Variants in PRKCB observed in about 807,000 individuals in gnomAD.
PRKCB encodes the protein protein kinase C beta type.
In PRKCB, 13 loss-of-function variants were observed where a neutral mutation model predicts 81.5. That is an observed-to-expected ratio of 0.16 (90% CI 0.10 to 0.25). The LOEUF (loss-of-function observed/expected upper bound fraction) is 0.25. PRKCB is among the 10% of genes least tolerant of loss of function. The pLI is 1.00. For synonymous variants in PRKCB, 335 were observed against 321.4 expected (o/e 1.04, Z -0.45); for missense variants, 509 against 875.7 (o/e 0.58, Z 5.29).
chr16:24,059,740 T>C (rs1298151626), intron 5 of PRKCB, among the ~76,000 whole-genome samples: 5 of 152,128 alleles, frequency 3.3e-5, no homozygotes, highest in Non-Finnish European at 7.4e-5. Flanking sequence ...GAGTAAATGG[T>C]CATAGAAGCC....
chr16:24,162,186 G>A (rs1034974783), intron 10 of PRKCB, among the ~76,000 whole-genome samples: 5 of 152,152 alleles, frequency 3.3e-5, no homozygotes, highest in African/African-American at 4.8e-5. Context: ...GGGATGGGGT[G>A]AGGATGATTC....
At chr16:23,985,780 T>G (rs1401919532) in intron 2 of PRKCB, among the ~76,000 whole-genome samples, 2 of 151,998 alleles carry the variant, frequency 1.3e-5, no homozygotes, top group African/African-American at 4.8e-5. Flanking sequence ...ATGTTGAAAA[T>G]AAGGATAATG....
At chr16:23,982,222 GCCTTCCCTTCC>G (rs1231721734) in intron 2 of PRKCB, among the ~76,000 whole-genome samples, 31 of 1,760 alleles carry the variant, frequency 0.018, no homozygotes, top group African/African-American at 0.066. Flanking sequence ...CCTTCCCTTC[GCCTTCCCTTCC>G]CCTTCCCTTC....
rs771388864 is a variant in PRKCB at position 23,836,215 on chromosome 16, G to A, written c.40G>A (p.Glu14Lys). ...TGCGGGGCCGCCGCCGAGCGAGGGC[G>A]AGGAGAGCACCGTGCGCTTCGCCCG... ...PAAGPPPSEG[E>K]ESTVRFARKG... is the part of the protein sequence containing the mutation. Residue 14 changes from glutamate (E) to lysine (K), a missense_variant, in exon 1 of 17, where the codon GAG (glutamate) becomes AAG (lysine). By Grantham distance (56) the Glu-to-Lys change is moderately conservative (BLOSUM62 1). This residue lies in a region of PRKCB where 33 missense variants were observed against 21.9 expected (regional missense o/e 1.50). Coordinates refer to ENST00000643927, the MANE Select transcript of PRKCB (RefSeq NM_002738.7). 1.9e-6 allele frequency: 3 copies of A among 1,581,592 alleles called. No individual in the cohort carries two copies. The highest frequency in any genetic ancestry group is 2.2e-5 in the South Asian group (2 of 88,928).
Position 23,948,534 on chromosome 16 carries a change from G to T in PRKCB, c.206-39974G>T, listed in dbSNP as rs537338712. 2.0e-5 allele frequency among the ~76,000 whole-genome samples: 3 copies of T among 152,188 alleles called. No individual in the cohort carries two copies. In the South Asian group the frequency reaches 6.2e-4, roughly 32 times the overall value. On this transcript the variant is annotated intron_variant, in intron 2 of 16. Transcript: ENST00000643927. ...GTCTCATGCCGCAGCCTCCCAGGTA[G>T]CTGGGATTACAGGCACACAGCACCA... is the stretch of plus-strand genomic sequence containing the variant.
At position 24,217,008 on chromosome 16, in the gene PRKCB, T is replaced by C; in HGVS notation, c.*2192T>C. On this transcript the variant is annotated 3_prime_UTR_variant, in exon 17 of 17. Coordinates refer to ENST00000643927, the MANE Select transcript of PRKCB (RefSeq NM_002738.7). The stretch of plus-strand genomic sequence containing the variant: ...TTGCTTGGACATGCTCTCAGGAAGA[T>C]AAAAACCATGGAGAAACACTAGGCC... The C allele has an allele frequency of 4.1e-6, 4 of 984,098 alleles. No homozygotes were observed. Among genetic ancestry groups the C allele is most frequent in the Non-Finnish European group, 4.8e-6 (4 of 829,708 alleles). The allele number at this position is 984,098 out of a possible 1,614,324, so 61.0% of individuals were successfully genotyped here. A position where few individuals can be genotyped will look rare whatever the true frequency, so the allele number is the denominator to read the frequency against.
At chr16:23,916,037 A>C (rs780107694) in intron 2 of PRKCB, among the ~76,000 whole-genome samples, 2 of 151,964 alleles carry the variant, frequency 1.3e-5, no homozygotes, top group Non-Finnish European at 2.9e-5. Context: ...ATAGATCTGC[A>C]GTATCTTTTC....
chr16:24,020,513 A>G (rs1965344002), intron 3 of PRKCB, among the ~76,000 whole-genome samples: 2 of 152,294 alleles, frequency 1.3e-5, no homozygotes, highest in South Asian at 4.1e-4. Context: ...TCTTGGGAAT[A>G]ATAAAATCAA....
At chr16:24,158,885 T>A (rs775746243) in intron 10 of PRKCB, among the ~76,000 whole-genome samples, 2 of 152,156 alleles carry the variant, frequency 1.3e-5, no homozygotes, top group Admixed American at 6.5e-5. Flanking sequence ...GGTCTCAATC[T>A]TCTAGGCTCA....
chr16:24,173,607 G>A (rs1309987567), intron 11 of PRKCB, among the ~76,000 whole-genome samples: 1 of 152,124 alleles, frequency 6.6e-6, no homozygotes, highest in Admixed American at 6.5e-5. Flanking sequence ...TTGACCACAG[G>A]CTTTAATTCC....
At chr16:23,914,679 C>T (rs191541766) in intron 2 of PRKCB, among the ~76,000 whole-genome samples, 1 of 152,154 alleles carries the variant, frequency 6.6e-6, no homozygotes, top group Admixed American at 6.5e-5. Flanking sequence ...ACCTGCACAG[C>T]CCTTAGAACA....
chr16:23,994,981 A>G, intron 3 of PRKCB, among the ~76,000 whole-genome samples: 1 of 152,238 alleles, frequency 6.6e-6, no homozygotes, highest in East Asian at 1.9e-4. Flanking sequence ...GTGAATGAGA[A>G]GTAGCAACTA....
chr16:23,853,760 G>GAA (rs1962512712), intron 2 of PRKCB, among the ~76,000 whole-genome samples: 1 of 151,714 alleles, frequency 6.6e-6, no homozygotes, highest in Non-Finnish European at 1.5e-5. Flanking sequence ...TTAGTTATTA[G>GAA]AACAATCTGG....
At chr16:24,199,789 T>C (rs1967929718) in intron 16 of PRKCB, among the ~76,000 whole-genome samples, 1 of 152,172 alleles carries the variant, frequency 6.6e-6, no homozygotes, top group African/African-American at 2.4e-5. Context: ...CTTGGAAAAG[T>C]TAAGGCATTT....
chr16:24,017,746 T>C (rs749206327), intron 3 of PRKCB, among the ~76,000 whole-genome samples: 2 of 152,180 alleles, frequency 1.3e-5, no homozygotes, highest in Non-Finnish European at 2.9e-5. Context: ...TTGTTTGTTT[T>C]GGAAGCAGGA....
intron 10 of PRKCB, among the ~76,000 whole-genome samples, chr16:24,166,384 G>A (rs1967348076): frequency 6.6e-6 from 1 of 152,116 alleles, no homozygotes. Context: ...GTCACGTTTG[G>A]GTGGATGGTC....
intron 8 of PRKCB, among the ~76,000 whole-genome samples, chr16:24,116,651 T>A (rs781501233): frequency 2.6e-5 from 4 of 152,162 alleles, no homozygotes; most frequent in Non-Finnish European, 4.4e-5. Flanking sequence ...AAAAAGAACC[T>A]TCCCTCCAAG....
At chr16:23,882,040 T>TCCTTCCTTCCTTCCTTCCTC (rs1963130487) in intron 2 of PRKCB, among the ~76,000 whole-genome samples, 1 of 76,804 alleles carries the variant, frequency 1.3e-5, no homozygotes, top group Non-Finnish European at 3.0e-5. Context: ...CTTCCTTCCT[T>TCCTTCCTTCCTTCCTTCCTC]CCTTCCTTCC....
intron 3 of PRKCB, among the ~76,000 whole-genome samples, chr16:24,000,987 C>T (rs368449659): frequency 0.014 from 1,218 of 88,436 alleles, 8 homozygotes; most frequent in Middle Eastern, 0.088. Context: ...CTAAATAAAG[C>T]GGTTTTTTTT....
Sources: allele counts gnomAD v4.1 joint callset (sites outside exome capture counted in the v4.1 genomes callset), GRCh38; gene constraint gnomAD v4.1.1; regional missense constraint gnomAD v4.1.1; transcripts MANE v1.5; gene names NCBI Gene and HGNC (gene_info 2026-07-23, HGNC 2026-07-21).